Variants in DDHD1 observed in about 807,000 individuals in gnomAD.
The protein encoded by DDHD1 is phospholipase DDHD1.
In DDHD1, 49 loss-of-function variants were observed where a neutral mutation model predicts 96.4. That is an observed-to-expected ratio of 0.51 (90% CI 0.40 to 0.64). The LOEUF (loss-of-function observed/expected upper bound fraction) is 0.64, where lower values mean the gene tolerates loss of function less well. Among genes scored for constraint, DDHD1 ranks in the 30% least tolerant of loss-of-function variants. DDHD1 has a pLI of 0.00. For synonymous variants in DDHD1, 442 were observed against 446.5 expected, an observed-to-expected ratio of 0.99 and a Z score of 0.13; for missense variants, 1,106 against 1,161.2, an observed-to-expected ratio of 0.95 and a Z score of 0.69.
intron 4 of DDHD1, among the ~76,000 whole-genome samples, chr14:53,080,806 A>T (rs1353692116): frequency 1.4e-5 from 2 of 142,118 alleles, no homozygotes; most frequent in South Asian, 2.3e-4. Context: ...GTTATAGGGC[A>T]CTACAGCCTC....
intron 1 of DDHD1, among the ~76,000 whole-genome samples, chr14:53,112,330 T>A (rs145719151): frequency 1.3e-5 from 2 of 151,734 alleles, no homozygotes; most frequent in African/African-American, 4.8e-5. Context: ...GGCAGAAGAA[T>A]CGCTTGAACC....
chr14:53,077,663 G>T lies in DDHD1; in HGVS notation c.1290-3816C>A, dbSNP rs899179759. On this transcript the variant is annotated intron_variant, in intron 4 of 12. Coordinates refer to ENST00000673822, the MANE Select transcript of DDHD1 (RefSeq NM_001160148.2). ...TTTTGACACAACTTCATTAGTTTTT[G>T]TTTTTGTTTTTTTTTTTTAAAAAAC... Among the ~76,000 whole-genome samples, 364 of 56,630 alleles carry T rather than the reference G, an allele frequency of 6.4e-3. 6 individuals are homozygous for T. The East Asian group carries it at 0.096, about 15-fold the overall frequency. The allele number at this position is 56,630 out of a possible 152,430, so 37.2% of individuals were successfully genotyped here. A position where few individuals can be genotyped will look rare whatever the true frequency, so the allele number is the denominator to read the frequency against.
At chr14:53,077,438 T>C (rs952749024) in intron 4 of DDHD1, among the ~76,000 whole-genome samples, 7 of 152,204 alleles carry the variant, frequency 4.6e-5, no homozygotes, top group African/African-American at 1.7e-4. Context: ...GCACAGTTAA[T>C]CTAGAAAAGG....
chr14:53,054,355 G>C, intron 11 of DDHD1, 83 bp downstream of exon 11: 1 of 1,249,320 alleles, frequency 8.0e-7, no homozygotes, highest in South Asian at 1.6e-5. Flanking sequence ...TGACTAGCTA[G>C]TATTAATATT....
At position 53,072,645 on chromosome 14, in the gene DDHD1, G is replaced by A. The variant is rs1032973006; in HGVS notation, c.1455C>T (p.Ser485=). ...KVRGLRDMLN[S]SAMDIMYYTS... Reference sequence around the variant, plus strand: ...TATAATACATTATGTCCATTGCACTGCTGTTCAGCATATCCCTTAAACCTC... The same window carrying A: ...TATAATACATTATGTCCATTGCACTACTGTTCAGCATATCCCTTAAACCTC... Residue 485 remains serine (S), a synonymous_variant, in exon 6 of 13, where the codon AGC becomes AGT. Transcript: ENST00000673822. 6.2e-7 allele frequency: 1 copy of A among 1,610,192 alleles called. No homozygotes were observed. Among genetic ancestry groups the A allele is most frequent in the Non-Finnish European group, 8.5e-7 (1 of 1,177,500 alleles).
chr14:53,043,930 C>T lies in DDHD1; in HGVS notation c.*2838G>A, dbSNP rs1881834455. On this transcript the variant is annotated 3_prime_UTR_variant, in exon 13 of 13. Coordinates refer to ENST00000673822, the MANE Select transcript of DDHD1 (RefSeq NM_001160148.2). ...GCTAACTAAAGTTCAGTGATCTAAT[C>T]AGTACTTGGGAGAATCATCATAGCA... 2 of 152,146 alleles carry T rather than the reference C, an allele frequency of 1.3e-5. No individual in the cohort carries two copies. The highest frequency in any genetic ancestry group is 4.8e-5 in the African/African-American group (2 of 41,418). 9.4% of individuals were successfully genotyped at this position (152,146 alleles called of 1,614,324 possible).
At chr14:53,118,615 A>G (rs779677150) in intron 1 of DDHD1, among the ~76,000 whole-genome samples, 3 of 152,324 alleles carry the variant, frequency 2.0e-5, no homozygotes, top group South Asian at 2.1e-4. Context: ...TTAGAGAAAA[A>G]AGAGTAAAAA....
At chr14:53,068,466 G>A (rs1315568957) in intron 6 of DDHD1, among the ~76,000 whole-genome samples, 1 of 151,992 alleles carries the variant, frequency 6.6e-6, no homozygotes, top group East Asian at 1.9e-4. Context: ...GTCCAGGCTG[G>A]TCTAGAACTC....
chr14:53,091,894 C>G lies in DDHD1; in HGVS notation c.1180G>C (p.Glu394Gln). ...GGCTTGTCTTCTAATGTGGCTTCTT[C>G]TACATAACCTCTATGAAGTCTGGTA... ...SGTRLHRGYV[E>Q]EATLEDKPSQ... The change falls in exon 4 of 13, where the codon GAA becomes CAA. Residue 394 changes from glutamate (E) to glutamine (Q), a missense_variant. Around this residue, in one of 2 missense-constraint regions of DDHD1, gnomAD observed 650 missense variants for 758.8 expected, o/e 0.86. Coordinates refer to ENST00000673822, the MANE Select transcript of DDHD1 (RefSeq NM_001160148.2). 6.2e-7 allele frequency: 1 copy of G among 1,613,228 alleles called. No homozygotes were observed. The highest frequency in any genetic ancestry group is 1.1e-5 in the South Asian group (1 of 90,950).
intron 1 of DDHD1, 127 bp downstream of exon 1, chr14:53,152,134 C>CGG: frequency 1.6e-5 from 16 of 975,266 alleles, no homozygotes; most frequent in Admixed American, 1.3e-4. Flanking sequence ...AATCTCCATC[C>CGG]TGCCCCAGCC....
intron 1 of DDHD1, among the ~76,000 whole-genome samples, chr14:53,113,301 T>C (rs1888254518): frequency 6.7e-6 from 1 of 148,934 alleles, no homozygotes; most frequent in Non-Finnish European, 1.5e-5. Context: ...GGGTTAGAAC[T>C]AGAAGAAATT....
At chr14:53,079,218 G>T (rs1237319484) in intron 4 of DDHD1, among the ~76,000 whole-genome samples, 1 of 152,122 alleles carries the variant, frequency 6.6e-6, no homozygotes, top group Non-Finnish European at 1.5e-5. Context: ...TGGCTTCATA[G>T]AATGAGCTGG....
chr14:53,103,954 C>T, intron 1 of DDHD1, 98 bp from the exon 2 acceptor site: 4 of 1,072,848 alleles, frequency 3.7e-6, no homozygotes, highest in Admixed American at 6.3e-5. Context: ...ACTGCTGTCA[C>T]AAAAACAGAT....
intron 1 of DDHD1, among the ~76,000 whole-genome samples, chr14:53,127,080 T>C (rs1462059633): frequency 2.6e-5 from 4 of 152,144 alleles, no homozygotes; most frequent in Middle Eastern, 3.2e-3. Context: ...CGCTTGAACA[T>C]ATGTTTTTTT....
At chr14:53,111,921 T>C (rs1888136876) in intron 1 of DDHD1, among the ~76,000 whole-genome samples, 1 of 152,186 alleles carries the variant, frequency 6.6e-6, no homozygotes, top group Non-Finnish European at 1.5e-5. Flanking sequence ...ACACTTCCCT[T>C]AGTAAACAGA....
At chr14:53,056,001 A>G in intron 9 of DDHD1, 89 bp from the exon 10 acceptor site, 1 of 1,088,472 alleles carries the variant, frequency 9.2e-7, no homozygotes, top group Non-Finnish European at 1.3e-6. Flanking sequence ...ACTGCATGTT[A>G]AGTAAACCTC....
intron 4 of DDHD1, among the ~76,000 whole-genome samples, chr14:53,084,003 A>C (rs766790105): frequency 2.6e-5 from 4 of 152,188 alleles, no homozygotes; most frequent in Non-Finnish European, 5.9e-5. Flanking sequence ...CCTATAGTTA[A>C]GATGAAGTCA....
intron 1 of DDHD1, among the ~76,000 whole-genome samples, chr14:53,135,213 A>G (rs1312036674): frequency 6.6e-6 from 1 of 152,192 alleles, no homozygotes; most frequent in Non-Finnish European, 1.5e-5. Context: ...AAGAACCACA[A>G]AAGATGACAT....
rs886174938 is a variant in DDHD1, at chr14:53,043,971, G to A, written c.*2797C>T. ...CATCATAGCATGTACACAAAATAGA[G>A]AATAAAATTTTAATGGTATCAAAAA... On this transcript the variant is annotated 3_prime_UTR_variant, in exon 13 of 13. Transcript: ENST00000673822. The A allele has an allele frequency of 1.3e-5, 2 of 152,128 alleles. No individual in the cohort carries two copies. Among genetic ancestry groups the A allele is most frequent in the Non-Finnish European group, 2.9e-5 (2 of 68,006 alleles). 9.4% of individuals were successfully genotyped at this position (152,128 alleles called of 1,614,324 possible).
Sources: allele counts gnomAD v4.1 joint callset (sites outside exome capture counted in the v4.1 genomes callset), GRCh38; gene constraint gnomAD v4.1.1; regional missense constraint gnomAD v4.1.1; transcripts MANE v1.5; gene names NCBI Gene and HGNC (gene_info 2026-07-23, HGNC 2026-07-21).